CEP112: variants seen among roughly 807,000 people sequenced by gnomAD.
The protein encoded by CEP112 is centrosomal protein 112.
A neutral mutation model predicts 153.0 loss-of-function variants in CEP112; 127 were observed. The ratio of observed to expected loss-of-function variants is 0.83; its 90% confidence interval spans 0.72 to 0.96. The LOEUF (loss-of-function observed/expected upper bound fraction) is 0.96. Ranked by LOEUF, CEP112 falls within the 40% of genes least tolerant of loss-of-function variation. The pLI is 0.00. For synonymous variants in CEP112, 358 were observed against 374.4 expected, an observed-to-expected ratio of 0.96 and a Z score of 0.51; for missense variants, 1,089 against 1,101.2, an observed-to-expected ratio of 0.99 and a Z score of 0.16.
intron 21 of CEP112, among the ~76,000 whole-genome samples, chr17:65,807,519 C>G (rs1388771840): frequency 2.6e-5 from 4 of 152,130 alleles, no homozygotes; most frequent in Non-Finnish European, 5.9e-5. Flanking sequence ...TTTGTGGCAG[C>G]CCCTCCCACC....
intron 21 of CEP112, among the ~76,000 whole-genome samples, chr17:65,760,566 T>C (rs966613797): frequency 4.6e-5 from 7 of 152,186 alleles, no homozygotes; most frequent in Admixed American, 4.6e-4. Flanking sequence ...TTTTCAAATG[T>C]TGAGACAGCC....
chr17:65,833,588 C>T (rs987223920), intron 21 of CEP112, among the ~76,000 whole-genome samples: 1 of 152,174 alleles, frequency 6.6e-6, no homozygotes, highest in Admixed American at 6.5e-5. Context: ...AATCAGAAAG[C>T]AATCCATTCA....
intron 23 of CEP112, among the ~76,000 whole-genome samples, chr17:65,708,502 A>G (rs2049020257): frequency 6.6e-6 from 1 of 152,158 alleles, no homozygotes; most frequent in Admixed American, 6.5e-5. Flanking sequence ...TCTTTTTCCT[A>G]TTCATATGAA....
intron 24 of CEP112, among the ~76,000 whole-genome samples, chr17:65,679,129 C>CTTTTTTTTTTTTATTTTT (rs2047380636): frequency 3.2e-5 from 1 of 31,612 alleles, no homozygotes; most frequent in Non-Finnish European, 6.0e-5. Context: ...GTGGTTCAAG[C>CTTTTTTTTTTTTATTTTT]TTTTTTTTTT....
chr17:65,765,963 T>A (rs920927481), intron 21 of CEP112, among the ~76,000 whole-genome samples: 1 of 151,922 alleles, frequency 6.6e-6, no homozygotes, highest in Non-Finnish European at 1.5e-5. Flanking sequence ...GAAGGAAATA[T>A]GACACCACCA....
intron 6 of CEP112, among the ~76,000 whole-genome samples, chr17:66,109,158 G>C (rs2068909605): frequency 1.3e-5 from 2 of 152,180 alleles, no homozygotes; most frequent in South Asian, 2.1e-4. Context: ...TGGTTAATGG[G>C]TACAAAAATA....
At chr17:65,923,902 CAT>C (rs2060823255) in intron 19 of CEP112, among the ~76,000 whole-genome samples, 2 of 152,294 alleles carry the variant, frequency 1.3e-5, no homozygotes, top group South Asian at 2.1e-4. Flanking sequence ...TAGAAATCTG[CAT>C]ATGTTGGCAC....
At chr17:65,647,109 T>G (rs1039148335) in intron 24 of CEP112, among the ~76,000 whole-genome samples, 3 of 151,372 alleles carry the variant, frequency 2.0e-5, no homozygotes, top group Non-Finnish European at 4.4e-5. Context: ...ATTTGTCACA[T>G]GGCAAAATGA....
chr17:65,994,778 T>A (rs2031715200), intron 17 of CEP112, among the ~76,000 whole-genome samples: 1 of 152,110 alleles, frequency 6.6e-6, no homozygotes, highest in South Asian at 2.1e-4. Flanking sequence ...GAAAAGAACA[T>A]TCCAGTTTCA....
chr17:66,183,733 T>C (rs1023880117), intron 1 of CEP112, among the ~76,000 whole-genome samples: 4 of 151,962 alleles, frequency 2.6e-5, no homozygotes, highest in African/African-American at 9.7e-5. Context: ...TGACAGTTAT[T>C]ACAACAAATG....
intron 23 of CEP112, among the ~76,000 whole-genome samples, chr17:65,727,101 C>T (rs1269998589): frequency 6.6e-6 from 1 of 152,140 alleles, no homozygotes; most frequent in Non-Finnish European, 1.5e-5. Context: ...GTTTATACTC[C>T]CAGAAATGGG....
intron 23 of CEP112, among the ~76,000 whole-genome samples, chr17:65,716,156 TG>T (rs1045509459): frequency 9.0e-6 from 1 of 111,350 alleles, no homozygotes; most frequent in African/African-American, 4.6e-5. Context: ...TTTCTTTCTT[TG>T]TTTTTTTTTT....
chr17:66,117,909 A>G (rs2069376546), intron 6 of CEP112, among the ~76,000 whole-genome samples: 1 of 152,198 alleles, frequency 6.6e-6, no homozygotes, highest in Admixed American at 6.5e-5. Flanking sequence ...ATATGAAAAA[A>G]ATACTCAAAT....
intron 24 of CEP112, among the ~76,000 whole-genome samples, chr17:65,672,156 C>T (rs73351281): frequency 0.018 from 2,770 of 152,088 alleles, 85 homozygotes; most frequent in African/African-American, 0.063. Flanking sequence ...ACAAGGGAAA[C>T]CCATGAAAAG....
At chr17:65,805,094 C>T (rs1281917434) in intron 21 of CEP112, among the ~76,000 whole-genome samples, 1 of 152,050 alleles carries the variant, frequency 6.6e-6, no homozygotes, top group South Asian at 2.1e-4. Flanking sequence ...AGTGACCTGG[C>T]CACTTTGGCT....
chr17:66,082,420 TGA>T (rs1056161595), intron 8 of CEP112, among the ~76,000 whole-genome samples: 4 of 152,136 alleles, frequency 2.6e-5, no homozygotes, highest in African/African-American at 9.7e-5. Flanking sequence ...CCATAACATA[TGA>T]GAAATATGCC....
At chr17:65,836,564 T>C (rs1204187666) in intron 21 of CEP112, among the ~76,000 whole-genome samples, 1 of 151,954 alleles carries the variant, frequency 6.6e-6, no homozygotes, top group African/African-American at 2.4e-5. Flanking sequence ...AACAAATAAA[T>C]ACAGAAAGAT....
At chr17:66,014,754 CA>C (rs964968589) in intron 16 of CEP112, among the ~76,000 whole-genome samples, 3 of 152,312 alleles carry the variant, frequency 2.0e-5, no homozygotes, top group East Asian at 3.9e-4. Flanking sequence ...GCAGGATTCC[CA>C]GCTTCCTCCC....
chr17:66,071,991 T>C (rs1393631568), intron 8 of CEP112, among the ~76,000 whole-genome samples: 4 of 152,106 alleles, frequency 2.6e-5, no homozygotes, highest in African/African-American at 9.7e-5. Context: ...TGGTTATAAC[T>C]TTTTGCCTTG....
Sources: gnomAD v4.1 joint callset for allele counts (sites outside exome capture counted in the v4.1 genomes callset) on GRCh38, gnomAD v4.1.1 for gene constraint, MANE v1.5 for transcripts, NCBI Gene and HGNC (gene_info 2026-07-23, HGNC 2026-07-21) for gene names.